IGSF21: variants seen among roughly 807,000 people sequenced by gnomAD.
IGSF21 encodes the protein immunoglobin superfamily member 21.
Under a neutral mutation model 46.8 loss-of-function variants are expected in IGSF21, and 28 were observed. The observed-to-expected ratio is 0.60, with a 90% CI of 0.44 to 0.82. IGSF21 has a LOEUF of 0.82. IGSF21 is among the 40% of genes least tolerant of loss of function. The pLI is 0.00. For synonymous variants in IGSF21, 284 were observed against 273.6 expected, an observed-to-expected ratio of 1.04 and a Z score of -0.38; for missense variants, 624 against 665.5, an observed-to-expected ratio of 0.94 and a Z score of 0.69.
At chr1:18,145,969 G>T (rs1280410031) in intron 1 of IGSF21, among the ~76,000 whole-genome samples, 1 of 152,142 alleles carries the variant, frequency 6.6e-6, no homozygotes, top group Non-Finnish European at 1.5e-5. Flanking sequence ...TCTTTTAGGG[G>T]AGAAAAGTGT....
At chr1:18,264,607 G>C (rs1484814846) in intron 2 of IGSF21, among the ~76,000 whole-genome samples, 1 of 152,196 alleles carries the variant, frequency 6.6e-6, no homozygotes, top group African/African-American at 2.4e-5. Context: ...AAAGGGGTTA[G>C]AGTTCTTAAG....
chr1:18,279,527 G>C (rs189541372), intron 2 of IGSF21, among the ~76,000 whole-genome samples: 62 of 152,314 alleles, frequency 4.1e-4, no homozygotes, highest in African/African-American at 1.4e-3. Flanking sequence ...TTAGCAATCA[G>C]CCATCCCCTG....
At position 18,119,146 on chromosome 1, in the gene IGSF21, T is replaced by C. The variant is rs992512491; in HGVS notation, c.70+10948T>C. On this transcript the variant is annotated intron_variant, in intron 1 of 9. Coordinates refer to ENST00000251296, the MANE Select transcript of IGSF21 (RefSeq NM_032880.5). The stretch of plus-strand genomic sequence containing the variant: ...CTTCCTCCCTTCCTCCCTTCTTCCC[T>C]TCCCTCCTTCCTTCCTTCTCTGGCT... Among the ~76,000 whole-genome samples, 14 of 152,290 alleles carry C rather than the reference T, an allele frequency of 9.2e-5. No homozygotes were observed. The South Asian group carries it at 2.7e-3, about 29-fold the overall frequency.
At chr1:18,226,904 T>G (rs1238420053) in intron 1 of IGSF21, among the ~76,000 whole-genome samples, 2 of 152,200 alleles carry the variant, frequency 1.3e-5, no homozygotes, top group African/African-American at 4.8e-5. Context: ...CCCTCGGAAC[T>G]GCGGTGAAGG....
chr1:18,293,027 A>G (rs1202895841), intron 3 of IGSF21, among the ~76,000 whole-genome samples: 2 of 152,180 alleles, frequency 1.3e-5, no homozygotes, highest in Non-Finnish European at 2.9e-5. Context: ...AGCCCACATG[A>G]TGTGCACTGT....
At position 18,215,292 on chromosome 1, in the gene IGSF21, C is replaced by T. The variant is rs186076379; in HGVS notation, c.71-12606C>T. 1.1e-3 allele frequency among the ~76,000 whole-genome samples: 174 copies of T among 152,300 alleles called. 4 individuals carry two copies. Among genetic ancestry groups the T allele is most frequent in the Admixed American group, 0.011 (174 of 15,288 alleles). On this transcript the variant is annotated intron_variant, in intron 1 of 9. Transcript: ENST00000251296. ...TCATTCATTCAATGTGTCCTCAATG[C>T]CAGTAGTGTGGCCAGCAACACGCAA... is the stretch of plus-strand genomic sequence containing the variant.
intron 2 of IGSF21, among the ~76,000 whole-genome samples, chr1:18,248,104 G>A (rs183462871): frequency 6.6e-6 from 1 of 152,282 alleles, no homozygotes; most frequent in Admixed American, 6.5e-5. Context: ...CTCTAGTGCT[G>A]GAGAGAAATG....
intron 1 of IGSF21, among the ~76,000 whole-genome samples, chr1:18,201,985 G>GC (rs1030922819): frequency 2.0e-5 from 3 of 151,962 alleles, no homozygotes; most frequent in Admixed American, 6.6e-5. Flanking sequence ...CCCTCTAGTT[G>GC]CCCCAAAAGT....
Position 18,359,388 on chromosome 1 carries a change from A to C in IGSF21, c.425-2727A>C, listed in dbSNP as rs1168143414. Among the ~76,000 whole-genome samples, 80 of 78,490 alleles carry C rather than the reference A, an allele frequency of 1.0e-3. 1 individual carries two copies. The highest frequency in any genetic ancestry group is 3.9e-3 in the African/African-American group (78 of 20,188). The allele number at this position is 78,490 out of a possible 152,430, so 51.5% of individuals were successfully genotyped here. ...AAAGAAAGAAAGAAAGAAAGAAAGGAAGGAAGGAAGGAAGGAAGGAAGGAA... is the reference window on the plus strand; with the variant it reads ...AAAGAAAGAAAGAAAGAAAGAAAGGCAGGAAGGAAGGAAGGAAGGAAGGAA... On this transcript the variant is annotated intron_variant, in intron 4 of 9. Transcript: ENST00000251296.
At chr1:18,300,833 C>A (rs923503023) in intron 3 of IGSF21, among the ~76,000 whole-genome samples, 3 of 152,132 alleles carry the variant, frequency 2.0e-5, no homozygotes, top group African/African-American at 7.2e-5. Flanking sequence ...GAAAGGGGGG[C>A]CCCCCTTTGT....
rs113157378 is a variant in IGSF21 at position 18,321,114 on chromosome 1, G to T, written c.306-13778G>T. On this transcript the variant is annotated intron_variant, in intron 3 of 9. Coordinates refer to ENST00000251296, the MANE Select transcript of IGSF21 (RefSeq NM_032880.5). ...GTGGTGGAAGAGTTTGGCGTCGGGG[G>T]CTCTGGCCCTATATTGGAGGGACCC... is the stretch of plus-strand genomic sequence containing the variant. Among the ~76,000 whole-genome samples, 1,483 of 152,294 alleles carry T rather than the reference G, an allele frequency of 9.7e-3. 12 individuals carry two copies. The highest frequency in any genetic ancestry group is 0.02 in the Middle Eastern group (6 of 294).
At chr1:18,368,903 G>T (rs2086197002) in intron 6 of IGSF21, among the ~76,000 whole-genome samples, 1 of 152,172 alleles carries the variant, frequency 6.6e-6, no homozygotes. Flanking sequence ...GTGATGAGAG[G>T]GGGTGTGCCT....
At chr1:18,208,031 C>T (rs1030487716) in intron 1 of IGSF21, among the ~76,000 whole-genome samples, 1 of 152,028 alleles carries the variant, frequency 6.6e-6, no homozygotes, top group African/African-American at 2.4e-5. Context: ...TTTGACATGC[C>T]CCTGGGAGAG....
chr1:18,355,920 C>T (rs1157047816), intron 4 of IGSF21, among the ~76,000 whole-genome samples: 1 of 151,124 alleles, frequency 6.6e-6, no homozygotes, highest in Non-Finnish European at 1.5e-5. Flanking sequence ...ACTGCAACCT[C>T]CGCCTTCCGG....
At chr1:18,276,959 C>A (rs1475508049) in intron 2 of IGSF21, among the ~76,000 whole-genome samples, 1 of 152,150 alleles carries the variant, frequency 6.6e-6, no homozygotes, top group Non-Finnish European at 1.5e-5. Context: ...TCTCCCAGCC[C>A]AATTTCTGGA....
chr1:18,185,809 G>C (rs901761741), intron 1 of IGSF21, among the ~76,000 whole-genome samples: 2 of 152,186 alleles, frequency 1.3e-5, no homozygotes, highest in Non-Finnish European at 2.9e-5. Flanking sequence ...GCCTCTGAGA[G>C]TACCCAGCAC....
In IGSF21 at chr1:18,144,957, T is replaced by C. The variant is rs546510238; in HGVS notation, c.70+36759T>C. 4.6e-5 allele frequency among the ~76,000 whole-genome samples: 7 copies of C among 152,230 alleles called. No individual in the cohort carries two copies. In the South Asian group the frequency reaches 1.5e-3, roughly 32 times the overall value. On this transcript the variant is annotated intron_variant, in intron 1 of 9. Transcript: ENST00000251296. ...GTGATTATGATGGGTGAGTCCCGGG[T>C]GCCTCAAAAAGCCTTCCTCCCTGCT... is the stretch of plus-strand genomic sequence containing the variant.
chr1:18,257,903 A>G (rs1049148189), intron 2 of IGSF21, among the ~76,000 whole-genome samples: 1 of 152,168 alleles, frequency 6.6e-6, no homozygotes, highest in Non-Finnish European at 1.5e-5. Context: ...GTCTTCTGAG[A>G]GCCCCGTGGG....
intron 3 of IGSF21, among the ~76,000 whole-genome samples, chr1:18,304,085 C>G (rs1314673014): frequency 1.3e-5 from 2 of 152,046 alleles, no homozygotes; most frequent in Non-Finnish European, 2.9e-5. Context: ...GGAAGCAGAC[C>G]TGGCAGCACT....
Sources: allele counts gnomAD v4.1 joint callset (sites outside exome capture counted in the v4.1 genomes callset), GRCh38; gene constraint gnomAD v4.1.1; transcripts MANE v1.5; gene names NCBI Gene and HGNC (gene_info 2026-07-23, HGNC 2026-07-21).